The following RBMS3 variants were observed in gnomAD, a reference collection of about 807,000 sequenced individuals.
RBMS3 encodes RNA-binding motif, single-stranded-interacting protein 3.
A neutral mutation model predicts 66.8 loss-of-function variants in RBMS3; 27 were observed. The observed-to-expected ratio is 0.40, with a 90% CI of 0.30 to 0.56. The LOEUF is 0.56. Among genes scored for constraint, RBMS3 ranks in the 20% least tolerant of loss-of-function variants. The pLI is 0.40. For missense variants in RBMS3, 513 were observed against 549.5 expected (o/e 0.93, Z 0.66); for synonymous variants, 188 against 183.0 (o/e 1.03, Z -0.22).
At chr3:29,556,575 C>A (rs1463375691) in intron 3 of RBMS3, 2 of 152,044 alleles carry the variant, frequency 1.3e-5, no homozygotes, top group Non-Finnish European at 2.9e-5. Context: ...TGCACTCCAG[C>A]CTGGACGACA....
intron 4 of RBMS3, among the ~76,000 whole-genome samples, chr3:29,632,347 A>G (rs13323795): frequency 0.32 from 48,445 of 151,736 alleles, 8,200 homozygotes; most frequent in African/African-American, 0.43. Flanking sequence ...TAACAGTCCT[A>G]GGGGGAGAAG....
intron 4 of RBMS3, among the ~76,000 whole-genome samples, chr3:29,659,153 T>A (rs1407729236): frequency 6.6e-6 from 1 of 152,194 alleles, no homozygotes; most frequent in African/African-American, 2.4e-5. Flanking sequence ...TATTGAGAAA[T>A]AAGTTATATA....
chr3:29,305,530 A>G (rs925619664), intron 1 of RBMS3, among the ~76,000 whole-genome samples: 1 of 151,944 alleles, frequency 6.6e-6, no homozygotes, highest in South Asian at 2.1e-4. Flanking sequence ...ATTGTATGCC[A>G]GGGTAGTAAT....
At chr3:29,642,778 CCGCCG>C (rs1269136821) in intron 4 of RBMS3, 1 of 152,138 alleles carries the variant, frequency 6.6e-6, no homozygotes, top group Non-Finnish European at 1.5e-5. Flanking sequence ...GAAAGAAGAG[CCGCCG>C]TGTTCCAGCT....
chr3:29,717,010 C>A (rs2053427470), intron 4 of RBMS3, among the ~76,000 whole-genome samples: 1 of 151,938 alleles, frequency 6.6e-6, no homozygotes, highest in African/African-American at 2.4e-5. Flanking sequence ...GGGAGTAGCA[C>A]AAGCTACATT....
intron 6 of RBMS3, among the ~76,000 whole-genome samples, chr3:29,791,095 A>ATC: frequency 6.6e-6 from 1 of 152,312 alleles, no homozygotes; most frequent in South Asian, 2.1e-4. Flanking sequence ...GTCTTGTAAC[A>ATC]CATCTTGCTT....
chr3:29,839,532 C>G (rs1223462932), intron 6 of RBMS3, among the ~76,000 whole-genome samples: 3 of 151,436 alleles, frequency 2.0e-5, no homozygotes, highest in Non-Finnish European at 4.4e-5. Flanking sequence ...AATGAGGAAG[C>G]TTTTAAAGAT....
At chr3:29,701,375 C>T (rs2052567723) in intron 4 of RBMS3, among the ~76,000 whole-genome samples, 2 of 152,214 alleles carry the variant, frequency 1.3e-5, no homozygotes, top group Admixed American at 6.5e-5. Flanking sequence ...TCACTGCAGT[C>T]TAGAGAATGA....
At chr3:29,690,092 C>A (rs995517017) in intron 4 of RBMS3, among the ~76,000 whole-genome samples, 20 of 151,538 alleles carry the variant, frequency 1.3e-4, no homozygotes, top group African/African-American at 4.6e-4. Context: ...ACATATCTCA[C>A]AATATATAGA....
chr3:29,995,559 G>T (rs144128577), intron 14 of RBMS3, among the ~76,000 whole-genome samples: 2 of 148,020 alleles, frequency 1.4e-5, no homozygotes, highest in Non-Finnish European at 3.0e-5. Flanking sequence ...GACTAACAGC[G>T]GATCTCTCAG....
intron 14 of RBMS3, among the ~76,000 whole-genome samples, chr3:29,992,576 TG>T (rs1205998538): frequency 3.3e-5 from 5 of 152,150 alleles, no homozygotes; most frequent in African/African-American, 1.2e-4. Context: ...CACTCCAGCC[TG>T]GGTGACAGAG....
At chr3:29,739,939 T>C (rs982802680) in intron 5 of RBMS3, 62 bp downstream of exon 5, 4 of 1,305,384 alleles carry the variant, frequency 3.1e-6, no homozygotes, top group Non-Finnish European at 4.0e-6. Flanking sequence ...ATTCCATTCC[T>C]TTTTTAGTAC....
intron 3 of RBMS3, among the ~76,000 whole-genome samples, chr3:29,541,676 A>G (rs1020665845): frequency 6.6e-6 from 1 of 152,094 alleles, no homozygotes; most frequent in Admixed American, 6.5e-5. Context: ...TCAAAATGTC[A>G]TTCCTGTCCT....
intron 4 of RBMS3, among the ~76,000 whole-genome samples, chr3:29,679,337 G>T (rs559133401): frequency 1.3e-5 from 2 of 152,012 alleles, no homozygotes; most frequent in Non-Finnish European, 2.9e-5. Flanking sequence ...ATTATCCGTC[G>T]ATTTTTCTAT....
intron 6 of RBMS3, among the ~76,000 whole-genome samples, chr3:29,783,580 C>A (rs1164454501): frequency 6.6e-6 from 1 of 151,968 alleles, no homozygotes; most frequent in Non-Finnish European, 1.5e-5. Flanking sequence ...CAAAAATACA[C>A]CAAAATAGAA....
In RBMS3 at chr3:29,308,554, G is replaced by A. The variant is rs1344151105; in HGVS notation, c.75+26798G>A. Among the ~76,000 whole-genome samples, 3 of 151,356 alleles carry A rather than the reference G, an allele frequency of 2.0e-5. No homozygotes were observed. The South Asian group carries it at 6.2e-4, about 31-fold the overall frequency. On this transcript the variant is annotated intron_variant, in intron 1 of 14. Transcript: ENST00000383767. ...ATATTTGATATAGGAACCTGCCAGGGCTAAAAAAAAATTTAGAGATTATGT... is the reference window on the plus strand; with the variant it reads ...ATATTTGATATAGGAACCTGCCAGGACTAAAAAAAAATTTAGAGATTATGT...
intron 12 of RBMS3, among the ~76,000 whole-genome samples, chr3:29,970,214 T>G (rs1577281322): frequency 6.6e-6 from 1 of 152,094 alleles, no homozygotes; most frequent in East Asian, 1.9e-4. Flanking sequence ...AGCCTGTGAG[T>G]TAGTGAAGGA....
chr3:29,484,009 A>C (rs2043234469), intron 2 of RBMS3, among the ~76,000 whole-genome samples: 1 of 152,236 alleles, frequency 6.6e-6, no homozygotes, highest in Non-Finnish European at 1.5e-5. Flanking sequence ...ACCAAGGACC[A>C]GGTTCTGGAT....
chr3:29,795,295 T>C (rs2057145179), intron 6 of RBMS3, among the ~76,000 whole-genome samples: 1 of 152,184 alleles, frequency 6.6e-6, no homozygotes, highest in Non-Finnish European at 1.5e-5. Context: ...CCCTGGGAAA[T>C]TCGTGCTCAA....
Sources: allele counts gnomAD v4.1 joint callset (sites outside exome capture counted in the v4.1 genomes callset), GRCh38; gene constraint gnomAD v4.1.1; transcripts MANE v1.5; gene names NCBI Gene and HGNC (gene_info 2026-07-23, HGNC 2026-07-21).